The following RP1L1 variants were observed in gnomAD, a reference collection of about 807,000 sequenced individuals.
The protein encoded by RP1L1 is retinitis pigmentosa 1-like 1 protein.
RP1L1 carries 27 observed loss-of-function variants against 15.7 expected under a neutral mutation model. The observed-to-expected ratio is 1.72, with a 90% CI of 1.27 to 2.38. The LOEUF (loss-of-function observed/expected upper bound fraction) is 2.38. Ranked by LOEUF, RP1L1 falls within the 30% of genes most tolerant of loss-of-function variation. The probability of loss-of-function intolerance (pLI) is 0.00; values close to 1 mark genes in which losing one functional copy is unlikely to be tolerated. For synonymous variants in RP1L1, 1,813 were observed against 1,276.7 expected (o/e 1.42, Z -8.96); for missense variants, 4,798 against 3,075.9 (o/e 1.56, Z -13.24).
At chr8:10,640,539 G>C (rs1438904811) in intron 1 of RP1L1, among the ~76,000 whole-genome samples, 5 of 151,916 alleles carry the variant, frequency 3.3e-5, no homozygotes, top group Non-Finnish European at 7.4e-5. Flanking sequence ...TGTAATCTCA[G>C]TTGCTCAGGA....
At position 10,610,467 on chromosome 8, in the gene RP1L1, C is replaced by G; in HGVS notation, c.3631G>C (p.Gly1211Arg). 1.2e-6 allele frequency: 2 copies of G among 1,613,776 alleles called. No individual in the cohort carries two copies. Among genetic ancestry groups the G allele is most frequent in the East Asian group, 2.2e-5 (1 of 44,862 alleles). ...ATGGCACAGGGTACGCTACTCTCCCCTGAGCCTCCAGAGCCGCTGCTGATG... is the reference window on the plus strand; with the variant it reads ...ATGGCACAGGGTACGCTACTCTCCCGTGAGCCTCCAGAGCCGCTGCTGATG... The part of the protein sequence containing the change: ...VDISSGSGGS[G>R]ESSVPCAMDG... Residue 1211 changes from glycine (G) to arginine (R), a missense_variant, in exon 4 of 4, where the codon GGG becomes CGG. Transcript: ENST00000382483.
chr8:10,606,846 A>G lies in RP1L1; in HGVS notation c.*49T>C, dbSNP rs764487355. ...GCTCAGTTTTGTAGAAAAAATATGA[A>G]TAAAAACAGAGCTCCCAAGCTCGTG... is the stretch of plus-strand genomic sequence containing the variant. On this transcript the variant is annotated 3_prime_UTR_variant, in exon 4 of 4. Transcript: ENST00000382483. 5.6e-6 allele frequency: 9 copies of G among 1,611,864 alleles called. No homozygotes were observed. The highest frequency in any genetic ancestry group is 6.8e-6 in the Non-Finnish European group (8 of 1,179,972).
At position 10,612,555 on chromosome 8, in the gene RP1L1, G is replaced by T. The variant is rs755953245; in HGVS notation, c.1543C>A (p.Pro515Thr). ...LCIDGAGLGG[P>T]EQGGRLTPRA... is the part of the protein sequence containing the mutation. Reference sequence around the variant, plus strand: ...GGTGTCAGGCGGCCGCCTTGCTCTGGGCCGCCCAGCCCTGCTCCATCTATG... The same window carrying T: ...GGTGTCAGGCGGCCGCCTTGCTCTGTGCCGCCCAGCCCTGCTCCATCTATG... Residue 515 changes from proline (P) to threonine (T), a missense_variant, in exon 4 of 4, where the codon CCA becomes ACA. Physicochemically the swap from Pro to Thr is conservative, Grantham distance 38. Transcript: ENST00000382483. 5 of 1,608,758 alleles carry T rather than the reference G, an allele frequency of 3.1e-6. No individual in the cohort carries two copies. In the South Asian group the frequency reaches 5.5e-5, roughly 18 times the overall value.
rs374472422 is a variant in RP1L1 at position 10,609,703 on chromosome 8, G to T, written c.4395C>A (p.Ser1465Arg). Residue 1465 changes from serine to arginine, a missense_variant, in exon 4 of 4, where the codon AGC becomes AGA. Physicochemically the swap from Ser to Arg is moderately radical, Grantham distance 110. Coordinates refer to ENST00000382483, the MANE Select transcript of RP1L1 (RefSeq NM_178857.6). The part of the protein sequence containing the change: ...SHLSETDPSA[S>R]ERQSGSQLEP... The stretch of plus-strand genomic sequence containing the variant: ...CAAGCTGGGAGCCACTCTGCCTCTC[G>T]CTGGCACTTGGGTCCGTCTCGCTGA... 1 of 1,612,962 alleles carries T rather than the reference G, an allele frequency of 6.2e-7. No homozygotes were observed. The highest frequency in any genetic ancestry group is 8.5e-7 in the Non-Finnish European group (1 of 1,179,684).
chr8:10,644,110 G>A (rs1249914526), intron 1 of RP1L1, among the ~76,000 whole-genome samples: 2 of 151,994 alleles, frequency 1.3e-5, no homozygotes, highest in African/African-American at 4.8e-5. Flanking sequence ...TCTTTTGAAA[G>A]CTTGAGCTCT....
At chr8:10,640,705 C>G (rs1436277358) in intron 1 of RP1L1, among the ~76,000 whole-genome samples, 3 of 151,534 alleles carry the variant, frequency 2.0e-5, no homozygotes, top group African/African-American at 7.3e-5. Context: ...TTATCATCAT[C>G]TATAAGGTGT....
chr8:10,619,325 C>A (rs1333936419), intron 2 of RP1L1, among the ~76,000 whole-genome samples: 1 of 152,242 alleles, frequency 6.6e-6, no homozygotes, highest in Admixed American at 6.5e-5. Flanking sequence ...GTTCCTGACT[C>A]TTGCCACAAG....
chr8:10,644,852 C>G (rs1475611649), intron 1 of RP1L1, among the ~76,000 whole-genome samples: 3 of 152,224 alleles, frequency 2.0e-5, no homozygotes, highest in Non-Finnish European at 4.4e-5. Flanking sequence ...ATGAGAACCA[C>G]ATTTTACAAC....
At chr8:10,615,528 G>A (rs1033354103) in intron 3 of RP1L1, among the ~76,000 whole-genome samples, 1 of 152,144 alleles carries the variant, frequency 6.6e-6, no homozygotes, top group African/African-American at 2.4e-5. Context: ...TGATGTCATG[G>A]CCACTGTAGT....
At chr8:10,645,608 C>T (rs1798465030) in intron 1 of RP1L1, among the ~76,000 whole-genome samples, 1 of 152,122 alleles carries the variant, frequency 6.6e-6, no homozygotes, top group Admixed American at 6.5e-5. Flanking sequence ...GGAAGCACAG[C>T]CAGGCTGCGG....
intron 1 of RP1L1, among the ~76,000 whole-genome samples, chr8:10,653,634 CAT>C (rs1268859536): frequency 6.7e-6 from 1 of 148,746 alleles, no homozygotes; most frequent in Admixed American, 6.8e-5. Context: ...CATACACACT[CAT>C]GTGCACACCC....
chr8:10,606,658 T>G lies in RP1L1; in HGVS notation c.*237A>C. The stretch of plus-strand genomic sequence containing the variant: ...GGCTGACCTCCGATAACCGGGCAGA[T>G]CCGCAGACACCCCCTTTCTTCACAC... On this transcript the variant is annotated 3_prime_UTR_variant, in exon 4 of 4. Transcript: ENST00000382483. The G allele has an allele frequency of 1.6e-6, 1 of 625,648 alleles. No homozygotes were observed. Among genetic ancestry groups the G allele is most frequent in the Non-Finnish European group, 2.7e-6 (1 of 372,954 alleles). 38.8% of individuals were successfully genotyped at this position (625,648 alleles called of 1,614,324 possible). A position where few individuals can be genotyped will look rare whatever the true frequency, so the allele number is the denominator to read the frequency against.
At chr8:10,626,140 G>T (rs1383864427) in intron 1 of RP1L1, among the ~76,000 whole-genome samples, 1 of 152,124 alleles carries the variant, frequency 6.6e-6, no homozygotes, top group Non-Finnish European at 1.5e-5. Context: ...AAACAGTTTT[G>T]TTGGCAGCCC....
intron 1 of RP1L1, among the ~76,000 whole-genome samples, chr8:10,650,066 G>C (rs886457579): frequency 6.6e-6 from 1 of 152,174 alleles, no homozygotes; most frequent in Non-Finnish European, 1.5e-5. Flanking sequence ...TTCTGAGAAA[G>C]TGTTTTCATC....
chr8:10,648,950 G>C (rs1184921406), intron 1 of RP1L1, among the ~76,000 whole-genome samples: 2 of 152,236 alleles, frequency 1.3e-5, no homozygotes, highest in African/African-American at 4.8e-5. Flanking sequence ...TTCAGGGCCA[G>C]GGACATCCAC....
chr8:10,622,590 T>TA lies in RP1L1; in HGVS notation c.609+2dup. ...AAGGAACCGTCAGACCCCAACAGCCTACCTTTTTCCCGCTGGTCGTGTACA... is the reference window on the plus strand; with the variant it reads ...AAGGAACCGTCAGACCCCAACAGCCTAACCTTTTTCCCGCTGGTCGTGTACA... On this transcript the variant is annotated splice_region_variant and intron_variant, in intron 2 of 3. Transcript: ENST00000382483. 1 of 1,614,176 alleles carries TA rather than the reference T, an allele frequency of 6.2e-7. No individual in the cohort carries two copies. Among genetic ancestry groups the TA allele is most frequent in the Non-Finnish European group, 8.5e-7 (1 of 1,180,038 alleles).
intron 1 of RP1L1, among the ~76,000 whole-genome samples, chr8:10,634,034 GC>G (rs1798292773): frequency 6.6e-6 from 1 of 152,100 alleles, no homozygotes; most frequent in Non-Finnish European, 1.5e-5. Flanking sequence ...CCAGCTGCAG[GC>G]CTGAGGCAGC....
chr8:10,614,426 G>T (rs1012383533), intron 3 of RP1L1, among the ~76,000 whole-genome samples: 7 of 152,092 alleles, frequency 4.6e-5, no homozygotes, highest in African/African-American at 1.7e-4. Context: ...TTGGGAGGCC[G>T]AGGCAGGCGG....
At chr8:10,635,815 C>T (rs1798320378) in intron 1 of RP1L1, among the ~76,000 whole-genome samples, 1 of 152,222 alleles carries the variant, frequency 6.6e-6, no homozygotes, top group Admixed American at 6.5e-5. Context: ...ATATTAGTTA[C>T]TTACGGAGCG....
Sources: allele counts gnomAD v4.1 joint callset (sites outside exome capture counted in the v4.1 genomes callset), GRCh38; gene constraint gnomAD v4.1.1; transcripts MANE v1.5; gene names NCBI Gene and HGNC (gene_info 2026-07-23, HGNC 2026-07-21).